Variants in SLC5A8 observed in about 807,000 individuals in gnomAD.
SLC5A8 encodes solute carrier family 5 member 8.
In SLC5A8, 55 loss-of-function variants were observed where a neutral mutation model predicts 71.9. The observed-to-expected ratio is 0.77, with a 90% CI of 0.62 to 0.96. The LOEUF is 0.96. SLC5A8 is among the 40% of genes least tolerant of loss of function. The pLI is 0.00. For missense variants in SLC5A8, 701 were observed against 745.3 expected (o/e 0.94, Z 0.69); for synonymous variants, 307 against 276.1 (o/e 1.11, Z -1.11).
chr12:101,182,983 G>A, intron 8 of SLC5A8, 68 bp from the exon 9 acceptor site: 2 of 526,736 alleles, frequency 3.8e-6, no homozygotes. Context: ...GTGGGAATGA[G>A]AAAGGGGGAA....
At chr12:101,186,954 T>C (rs1381196042) in intron 7 of SLC5A8, among the ~76,000 whole-genome samples, 1 of 152,140 alleles carries the variant, frequency 6.6e-6, no homozygotes, top group African/African-American at 2.4e-5. Context: ...ACTCAGTAAA[T>C]ATTCACTTAT....
chr12:101,202,295 T>C (rs942828011), intron 2 of SLC5A8, 80 bp from the exon 3 acceptor site: 5 of 1,256,266 alleles, frequency 4.0e-6, no homozygotes, highest in African/African-American at 3.2e-5. Context: ...AAATATTGAT[T>C]GTTTTCCTAT....
At chr12:101,197,054 T>G (rs182812258) in intron 3 of SLC5A8, among the ~76,000 whole-genome samples, 3 of 152,212 alleles carry the variant, frequency 2.0e-5, no homozygotes, top group African/African-American at 7.2e-5. Context: ...GATAATGCTA[T>G]GAAATAACAG....
At chr12:101,193,876 T>C (rs1869041686) in intron 4 of SLC5A8, 97 bp from the exon 5 acceptor site, 1 of 1,270,896 alleles carries the variant, frequency 7.9e-7, no homozygotes. Flanking sequence ...GATATAAACA[T>C]GAATGTTGGC....
chr12:101,204,609 T>C (rs1329900276), intron 1 of SLC5A8, 44 bp from the exon 2 acceptor site: 2 of 1,377,916 alleles, frequency 1.5e-6, no homozygotes, highest in South Asian at 1.3e-5. Context: ...GGATGCCTTT[T>C]TTAAAATCAG....
Position 101,209,907 on chromosome 12 carries a change from A to G in SLC5A8, c.-59T>C. ...TGGTGGCCCCGCGGCGCGCAGCCGG[A>G]GCCCGGCGCGCACTTCTTATCCCGG... On this transcript the variant is annotated 5_prime_UTR_variant, in exon 1 of 15. Coordinates refer to ENST00000536262, the MANE Select transcript of SLC5A8 (RefSeq NM_145913.5). 7.1e-7 allele frequency: 1 copy of G among 1,412,902 alleles called. No homozygotes were observed. 87.5% of individuals were successfully genotyped at this position (1,412,902 alleles called of 1,614,324 possible).
At chr12:101,184,442 G>A (rs1593374097) in intron 7 of SLC5A8, among the ~76,000 whole-genome samples, 1 of 152,120 alleles carries the variant, frequency 6.6e-6, no homozygotes, top group Non-Finnish European at 1.5e-5. Context: ...ACACAGATAC[G>A]GCTTTTGTAA....
intron 10 of SLC5A8, among the ~76,000 whole-genome samples, chr12:101,175,218 A>G (rs554436737): frequency 6.6e-6 from 1 of 152,256 alleles, no homozygotes; most frequent in South Asian, 2.1e-4. Flanking sequence ...ACAGAGAAAA[A>G]GATCGGTGAA....
intron 10 of SLC5A8, among the ~76,000 whole-genome samples, chr12:101,171,740 A>G (rs1281944581): frequency 6.6e-6 from 1 of 152,244 alleles, no homozygotes; most frequent in Non-Finnish European, 1.5e-5. Flanking sequence ...AGGCATGCCC[A>G]GCAGGCTGGA....
intron 4 of SLC5A8, 101 bp from the exon 5 acceptor site, chr12:101,193,880 T>C: frequency 8.0e-7 from 1 of 1,247,462 alleles, no homozygotes; most frequent in Non-Finnish European, 1.1e-6. Context: ...TAAACATGAA[T>C]GTTGGCTAAG....
At chr12:101,203,792 A>T (rs1229294167) in intron 2 of SLC5A8, among the ~76,000 whole-genome samples, 2 of 152,246 alleles carry the variant, frequency 1.3e-5, no homozygotes, top group Non-Finnish European at 2.9e-5. Flanking sequence ...GACAATGATC[A>T]TTACAATCTT....
At chr12:101,179,439 C>T (rs907685466) in intron 10 of SLC5A8, among the ~76,000 whole-genome samples, 1 of 152,294 alleles carries the variant, frequency 6.6e-6, no homozygotes, top group Middle Eastern at 3.4e-3. Flanking sequence ...TGTGATACAT[C>T]CCTACCAGAG....
At chr12:101,161,770 C>T (rs896737479) in intron 13 of SLC5A8, among the ~76,000 whole-genome samples, 3 of 152,298 alleles carry the variant, frequency 2.0e-5, no homozygotes, top group African/African-American at 7.2e-5. Flanking sequence ...CATGCAGCCC[C>T]TAAAGGGCAG....
intron 11 of SLC5A8, among the ~76,000 whole-genome samples, chr12:101,167,817 G>A (rs1014321965): frequency 6.6e-6 from 1 of 152,148 alleles, no homozygotes; most frequent in African/African-American, 2.4e-5. Context: ...TTTGAGAAGG[G>A]CAAGTAGGTA....
At chr12:101,190,319 C>A in intron 6 of SLC5A8, 149 bp downstream of exon 6, 1 of 805,472 alleles carries the variant, frequency 1.2e-6, no homozygotes, top group Non-Finnish European at 1.9e-6. Flanking sequence ...ACAATTTGTT[C>A]TTGGTCCTTT....
At chr12:101,203,402 C>T (rs561790981) in intron 2 of SLC5A8, among the ~76,000 whole-genome samples, 3 of 152,070 alleles carry the variant, frequency 2.0e-5, no homozygotes, top group Non-Finnish European at 4.4e-5. Context: ...GGCTGGGGTG[C>T]AATGGCATGA....
rs1190820715 is a variant in SLC5A8 at position 101,157,124 on chromosome 12, A to C, written c.*155T>G. 3 of 735,834 alleles carry C rather than the reference A, an allele frequency of 4.1e-6. No homozygotes were observed. The highest frequency in any genetic ancestry group is 6.3e-6 in the Non-Finnish European group (3 of 474,158). 45.6% of individuals were successfully genotyped at this position (735,834 alleles called of 1,614,324 possible). A position where few individuals can be genotyped will look rare whatever the true frequency, so the allele number is the denominator to read the frequency against. On this transcript the variant is annotated 3_prime_UTR_variant, in exon 15 of 15. Coordinates refer to ENST00000536262, the MANE Select transcript of SLC5A8 (RefSeq NM_145913.5). ...AGTAACATCAATTAATGATGTAGTAAATGAAGATAGTCCAGACTTTGTTTT... is the reference window on the plus strand; with the variant it reads ...AGTAACATCAATTAATGATGTAGTACATGAAGATAGTCCAGACTTTGTTTT...
At chr12:101,191,327 T>C (rs766698628) in intron 5 of SLC5A8, among the ~76,000 whole-genome samples, 2 of 152,240 alleles carry the variant, frequency 1.3e-5, no homozygotes, top group Non-Finnish European at 2.9e-5. Context: ...ATCTCTGATA[T>C]ACAATATGAG....
At chr12:101,174,191 CACTT>C (rs2137134420) in intron 10 of SLC5A8, among the ~76,000 whole-genome samples, 2 of 152,304 alleles carry the variant, frequency 1.3e-5, no homozygotes, top group South Asian at 4.1e-4. Flanking sequence ...CTTACTTGCT[CACTT>C]ACTTATCCTA....
Sources: gnomAD v4.1 joint callset for allele counts (sites outside exome capture counted in the v4.1 genomes callset) on GRCh38, gnomAD v4.1.1 for gene constraint, MANE v1.5 for transcripts, NCBI Gene and HGNC (gene_info 2026-07-23, HGNC 2026-07-21) for gene names.